NFIB: variants seen among roughly 807,000 people sequenced by gnomAD.
NFIB encodes nuclear factor 1 B-type.
In NFIB, 11 loss-of-function variants were observed where a neutral mutation model predicts 61.5. The observed-to-expected ratio is 0.18, with a 90% CI of 0.11 to 0.30. NFIB has a LOEUF of 0.30. Ranked by LOEUF, NFIB falls within the 10% of genes least tolerant of loss-of-function variation. NFIB has a pLI of 1.00. For synonymous variants in NFIB, 260 were observed against 216.5 expected (o/e 1.20, Z -1.76); for missense variants, 471 against 608.9 (o/e 0.77, Z 2.38).
At chr9:14,159,865 C>T (rs2043945750) in intron 3 of NFIB, among the ~76,000 whole-genome samples, 1 of 152,114 alleles carries the variant, frequency 6.6e-6, no homozygotes, top group South Asian at 2.1e-4. Flanking sequence ...GTCCTTGGGC[C>T]TTTCAGGAAC....
the NFIB span, among the ~76,000 whole-genome samples, chr9:14,518,842 T>C: frequency 3.3e-5 from 5 of 152,028 alleles, no homozygotes; most frequent in Non-Finnish European, 5.9e-5. Flanking sequence ...TATTTCCAAT[T>C]CCCAACTTCC....
chr9:14,339,381 CAAAGAATGGCGATTCTTTGATA>C (rs535216219), intron 1 of NFIB, among the ~76,000 whole-genome samples: 23 of 152,334 alleles, frequency 1.5e-4, no homozygotes, highest in Admixed American at 5.2e-4. Flanking sequence ...ACCCAGGTTA[CAAAGAATGGCGATTCTTTGATA>C]AAAGAATGGC....
chr9:14,291,618 A>T (rs1478866097), intron 2 of NFIB, among the ~76,000 whole-genome samples: 1 of 152,156 alleles, frequency 6.6e-6, no homozygotes, highest in Admixed American at 6.5e-5. Flanking sequence ...AATAAAAGAG[A>T]TATGGATGTT....
chr9:14,470,557 G>A, the NFIB span, among the ~76,000 whole-genome samples: 8 of 152,150 alleles, frequency 5.3e-5, no homozygotes, highest in Admixed American at 3.9e-4. Context: ...AATGGTGGGA[G>A]TAGAGGAGTC....
At chr9:14,385,018 AT>A (rs2061532645) in intron 1 of NFIB, among the ~76,000 whole-genome samples, 1 of 152,180 alleles carries the variant, frequency 6.6e-6, no homozygotes, top group South Asian at 2.1e-4. Context: ...AGGCTTGCTG[AT>A]TTGTCTGTAT....
At chr9:14,204,339 TG>T (rs2049388308) in intron 2 of NFIB, 1 of 771,586 alleles carries the variant, frequency 1.3e-6, no homozygotes, top group Non-Finnish European at 2.3e-6. Flanking sequence ...GTCAACCCCC[TG>T]TTTGAGAAAA....
chr9:14,134,834 G>A (rs1208115234), intron 6 of NFIB, among the ~76,000 whole-genome samples: 1 of 147,994 alleles, frequency 6.8e-6, no homozygotes, highest in Non-Finnish European at 1.5e-5. Context: ...GGAGGTGGAG[G>A]TGGCAGTGAG....
chr9:14,428,100 C>T, the NFIB span, among the ~76,000 whole-genome samples: 6 of 151,420 alleles, frequency 4.0e-5, no homozygotes, highest in Admixed American at 2.0e-4. Context: ...CATATGCCAC[C>T]GTACCTCGCT....
At position 14,314,057 on chromosome 9, in the gene NFIB, G is replaced by T; in HGVS notation, c.-546C>A. 1 of 1,064,158 alleles carries T rather than the reference G, an allele frequency of 9.4e-7. No homozygotes were observed. Among genetic ancestry groups the T allele is most frequent in the Non-Finnish European group, 1.1e-6 (1 of 879,034 alleles). The allele number at this position is 1,064,158 out of a possible 1,614,324, so 65.9% of individuals were successfully genotyped here. ...TCAAGGTTACAGCCCCAAGCACTGC[G>T]GCAGGATCCCGGAGTGGTGATCGCA... On this transcript the variant is annotated 5_prime_UTR_variant, in exon 1 of 11. Coordinates refer to ENST00000380953, the MANE Select transcript of NFIB (RefSeq NM_001190737.2).
chr9:14,304,168 T>C (rs545783447), intron 2 of NFIB, among the ~76,000 whole-genome samples: 3 of 152,318 alleles, frequency 2.0e-5, no homozygotes, highest in East Asian at 3.9e-4. Flanking sequence ...TGTAGCACTA[T>C]AGCTTGTGTC....
chr9:14,181,089 T>C (rs2046719886), intron 2 of NFIB, among the ~76,000 whole-genome samples: 1 of 152,224 alleles, frequency 6.6e-6, no homozygotes, highest in Non-Finnish European at 1.5e-5. Flanking sequence ...ATTAACATAC[T>C]GAAATTGCTG....
intron 2 of NFIB, among the ~76,000 whole-genome samples, chr9:14,304,670 T>G (rs2059926757): frequency 6.6e-6 from 1 of 152,242 alleles, no homozygotes; most frequent in Non-Finnish European, 1.5e-5. Flanking sequence ...TCTTTCGTGT[T>G]TTCCTTTATA....
intron 2 of NFIB, among the ~76,000 whole-genome samples, chr9:14,191,716 A>T (rs2047968640): frequency 1.3e-5 from 2 of 152,226 alleles, no homozygotes; most frequent in African/African-American, 4.8e-5. Context: ...AATCTTAGAC[A>T]TCAATGCCTT....
At chr9:14,376,944 T>C (rs1370556763) in intron 1 of NFIB, among the ~76,000 whole-genome samples, 1 of 152,224 alleles carries the variant, frequency 6.6e-6, no homozygotes, top group Non-Finnish European at 1.5e-5. Context: ...TGTTTATCTG[T>C]CTAGTTTTTC....
Position 14,099,129 on chromosome 9 carries a change from G to A in NFIB, c.1468-10803C>T, listed in dbSNP as rs2035334368. Among the ~76,000 whole-genome samples the A allele has an allele frequency of 2.6e-5, 4 of 152,214 alleles. No homozygotes were observed. In the South Asian group the frequency reaches 8.3e-4, roughly 32 times the overall value. On this transcript the variant is annotated intron_variant, in intron 10 of 10. Transcript: ENST00000380953. Reference sequence around the variant, plus strand: ...AAAGTGATTGTACAAAGAAAGTAATGACAACAAACAACAATCAATCAAAAT... The same window carrying A: ...AAAGTGATTGTACAAAGAAAGTAATAACAACAAACAACAATCAATCAAAAT...
chr9:14,220,004 G>A (rs559692893), intron 2 of NFIB, among the ~76,000 whole-genome samples: 29 of 152,258 alleles, frequency 1.9e-4, no homozygotes, highest in Admixed American at 7.2e-4. Context: ...AGTCTTGGGA[G>A]CGCATCAAAG....
At chr9:14,147,636 C>CTTTTTT (rs34256054) in intron 5 of NFIB, among the ~76,000 whole-genome samples, 4 of 108,648 alleles carry the variant, frequency 3.7e-5, no homozygotes, top group Admixed American at 1.2e-4. Context: ...TAAAATGATA[C>CTTTTTT]TTTTTTTTTT....
At chr9:14,155,980 C>A (rs1015555792) in intron 3 of NFIB, 87 bp from the exon 4 acceptor site, 6 of 786,840 alleles carry the variant, frequency 7.6e-6, no homozygotes, top group Non-Finnish European at 1.1e-5. Flanking sequence ...TGTTTTAAAG[C>A]CAATGGTTTG....
At chr9:14,456,717 G>T in the NFIB span, among the ~76,000 whole-genome samples, 1 of 152,090 alleles carries the variant, frequency 6.6e-6, no homozygotes, top group African/African-American at 2.4e-5. Context: ...CATTATGTTG[G>T]CAAATGGAAG....
Sources: gnomAD v4.1 joint callset for allele counts (sites outside exome capture counted in the v4.1 genomes callset) on GRCh38, gnomAD v4.1.1 for gene constraint, MANE v1.5 for transcripts, NCBI Gene and HGNC (gene_info 2026-07-23, HGNC 2026-07-21) for gene names.